NUP88: variants seen among roughly 807,000 people sequenced by gnomAD.
The protein encoded by NUP88 is nucleoporin 88.
In NUP88, 57 loss-of-function variants were observed where a neutral mutation model predicts 93.9. The ratio of observed to expected loss-of-function variants is 0.61; its 90% confidence interval spans 0.49 to 0.76. NUP88 has a LOEUF of 0.76. NUP88 is among the 30% of genes least tolerant of loss of function. NUP88 has a pLI of 0.00. For synonymous variants in NUP88, 346 were observed against 336.8 expected (o/e 1.03, Z -0.30); for missense variants, 911 against 901.0 (o/e 1.01, Z -0.14).
At chr17:5,397,446 T>C (rs1443952086) in intron 8 of NUP88, among the ~76,000 whole-genome samples, 1 of 152,042 alleles carries the variant, frequency 6.6e-6, no homozygotes, top group Non-Finnish European at 1.5e-5. Flanking sequence ...TGATACAACA[T>C]GAGGACTCAA....
chr17:5,404,042 G>A, intron 7 of NUP88, 57 bp downstream of exon 7: 2 of 1,522,764 alleles, frequency 1.3e-6, no homozygotes, highest in Non-Finnish European at 1.8e-6. Context: ...AACAGTCTAT[G>A]ATAGTCTTAG....
intron 15 of NUP88, 30 bp downstream of exon 15, chr17:5,386,954 C>T (rs765877863): frequency 6.2e-7 from 1 of 1,603,404 alleles, no homozygotes; most frequent in Non-Finnish European, 8.5e-7. Context: ...GAAAAATTAC[C>T]AAATTTAGCT....
At chr17:5,413,216 C>T (rs1240584694) in intron 3 of NUP88, among the ~76,000 whole-genome samples, 5 of 152,330 alleles carry the variant, frequency 3.3e-5, no homozygotes, top group African/African-American at 9.6e-5. Flanking sequence ...AAATGATCCT[C>T]CCACCTCGGC....
intron 7 of NUP88, among the ~76,000 whole-genome samples, chr17:5,401,722 TA>T (rs1913181240): frequency 6.6e-6 from 1 of 152,228 alleles, no homozygotes; most frequent in African/African-American, 2.4e-5. Flanking sequence ...TTTTAAGACT[TA>T]AGGCTCAAAT....
At position 5,386,161 on chromosome 17, in the gene NUP88, C is replaced by G. The variant is rs775867013; in HGVS notation, c.*45G>C. ...ACCTGTTTTACAATATGGGTTTAAG[C>G]CTTCAATGGTGTTCAGTTCAGGTGT... is the stretch of plus-strand genomic sequence containing the variant. On this transcript the variant is annotated 3_prime_UTR_variant, in exon 17 of 17. Coordinates refer to ENST00000573584, the MANE Select transcript of NUP88 (RefSeq NM_002532.6). 1 of 1,442,424 alleles carries G rather than the reference C, an allele frequency of 6.9e-7. No individual in the cohort carries two copies. The highest frequency in any genetic ancestry group is 9.6e-7 in the Non-Finnish European group (1 of 1,041,972). The allele number at this position is 1,442,424 out of a possible 1,614,324, so 89.4% of individuals were successfully genotyped here. A position where few individuals can be genotyped will look rare whatever the true frequency, so the allele number is the denominator to read the frequency against.
At chr17:5,394,624 T>C (rs774153798) in intron 9 of NUP88, among the ~76,000 whole-genome samples, 3 of 150,380 alleles carry the variant, frequency 2.0e-5, no homozygotes, top group Non-Finnish European at 4.4e-5. Flanking sequence ...GAAAGAAGGG[T>C]AGGAGTTAGC....
intron 3 of NUP88, among the ~76,000 whole-genome samples, chr17:5,412,737 C>T (rs945929632): frequency 2.0e-5 from 3 of 151,998 alleles, no homozygotes; most frequent in South Asian, 4.2e-4. Context: ...ACAGATGGAA[C>T]GAGATTCAAA....
At chr17:5,416,795 C>T in intron 1 of NUP88, 113 bp from the exon 2 acceptor site, 1 of 853,294 alleles carries the variant, frequency 1.2e-6, no homozygotes, top group Non-Finnish European at 1.8e-6. Context: ...TAATAAAACT[C>T]TGGATAAGTA....
intron 3 of NUP88, 65 bp from the exon 4 acceptor site, chr17:5,410,854 TTCCTC>T (rs1352317917): frequency 7.3e-6 from 7 of 958,034 alleles, no homozygotes; most frequent in Non-Finnish European, 1.2e-5. Context: ...AAACTGCACT[TTCCTC>T]TCCATCTAGT....
intron 1 of NUP88, chr17:5,418,247 C>G (rs1179351074): frequency 6.6e-6 from 1 of 152,024 alleles, no homozygotes; most frequent in Non-Finnish European, 1.5e-5. Flanking sequence ...GCGTGCTGCA[C>G]ATTTGGTAAT....
intron 9 of NUP88, among the ~76,000 whole-genome samples, chr17:5,394,164 G>A (rs555838619): frequency 2.4e-4 from 36 of 152,248 alleles, no homozygotes; most frequent in East Asian, 5.8e-4. Context: ...ATATGGATGC[G>A]GGAACTGTCA....
chr17:5,419,289 C>T (rs1914434158), intron 1 of NUP88, 65 bp downstream of exon 1: 1 of 1,472,086 alleles, frequency 6.8e-7, no homozygotes, highest in East Asian at 2.4e-5. Context: ...CCAAGAGGAG[C>T]AAGGAACAAA....
intron 8 of NUP88, among the ~76,000 whole-genome samples, chr17:5,395,894 T>C (rs1207223153): frequency 6.6e-6 from 1 of 152,148 alleles, no homozygotes; most frequent in African/African-American, 2.4e-5. Flanking sequence ...AAGTATACAA[T>C]TCAGTAAGTT....
intron 7 of NUP88, among the ~76,000 whole-genome samples, 169 bp downstream of exon 7, chr17:5,403,930 A>G (rs747583942): frequency 6.6e-6 from 1 of 152,216 alleles, no homozygotes; most frequent in Non-Finnish European, 1.5e-5. Context: ...AAATTTGCTC[A>G]GTCTGCCTTA....
chr17:5,394,842 CT>C (rs768620677), intron 9 of NUP88, 48 bp downstream of exon 9: 3 of 1,259,340 alleles, frequency 2.4e-6, no homozygotes, highest in Non-Finnish European at 3.5e-6. Context: ...ATCTGAACTG[CT>C]GAAATGAACA....
intron 8 of NUP88, among the ~76,000 whole-genome samples, chr17:5,396,522 T>C (rs1293992660): frequency 6.6e-6 from 1 of 152,248 alleles, no homozygotes; most frequent in East Asian, 1.9e-4. Flanking sequence ...ACATTTTATC[T>C]ATCCATTCAT....
At chr17:5,406,718 G>A (rs1189783570) in intron 5 of NUP88, among the ~76,000 whole-genome samples, 5 of 151,874 alleles carry the variant, frequency 3.3e-5, no homozygotes, top group Non-Finnish European at 7.4e-5. Flanking sequence ...TGGAACAATT[G>A]TTTTGGGCCA....
Position 5,388,700 on chromosome 17 carries a change from A to AGG in NUP88, c.1643+101_1643+102insCC. 3.7e-6 allele frequency: 4 copies of AGG among 1,081,276 alleles called. No individual in the cohort carries two copies. In the African/African-American group the frequency reaches 6.5e-5, roughly 17 times the overall value. The allele number at this position is 1,081,276 out of a possible 1,614,324, so 67.0% of individuals were successfully genotyped here. ...ATCCAGTTTCTTCCAAATTTATCAC[A>AGG]GTAAAAAGTATATGAAACAGATGAG... On this transcript the variant is annotated intron_variant, in intron 11 of 16. Transcript: ENST00000573584.
chr17:5,394,259 T>C (rs913675825), intron 9 of NUP88, among the ~76,000 whole-genome samples: 1 of 152,092 alleles, frequency 6.6e-6, no homozygotes, highest in Non-Finnish European at 1.5e-5. Context: ...GTTGTGAGCA[T>C]TACTTATAAG....
Sources: gnomAD v4.1 joint callset for allele counts (sites outside exome capture counted in the v4.1 genomes callset) on GRCh38, gnomAD v4.1.1 for gene constraint, MANE v1.5 for transcripts, NCBI Gene and HGNC (gene_info 2026-07-23, HGNC 2026-07-21) for gene names.